Variants in STEAP2 observed in about 807,000 individuals in gnomAD.
STEAP2 encodes the protein STEAP2 metalloreductase.
Under a neutral mutation model 46.4 loss-of-function variants are expected in STEAP2, and 30 were observed. That is an observed-to-expected ratio of 0.65 (90% confidence interval 0.48 to 0.88). STEAP2 has a LOEUF of 0.88. Among genes scored for constraint, STEAP2 ranks in the 40% least tolerant of loss-of-function variants. The probability of loss-of-function intolerance (pLI) is 0.00; values close to 1 mark genes in which losing one functional copy is unlikely to be tolerated. For missense variants in STEAP2, 513 were observed against 579.3 expected (o/e 0.89, Z 1.18); for synonymous variants, 180 against 200.5 (o/e 0.90, Z 0.86).
chr7:90,225,346 A>G lies in STEAP2; in HGVS notation c.264A>G (p.Ile88Met). ...AAGATGCTCTCACAAAAACAAATAT[A>G]ATATTTGTTGCTATACACAGAGAAC... is the stretch of plus-strand genomic sequence containing the variant. The part of the protein sequence containing the change: ...HHEDALTKTN[I>M]IFVAIHREHY... Residue 88 changes from isoleucine to methionine, a missense_variant, in exon 3 of 6, where the codon ATA becomes ATG. Transcript: ENST00000394621. The G allele has an allele frequency of 6.2e-7, 1 of 1,613,842 alleles. No homozygotes were observed. The highest frequency in any genetic ancestry group is 8.5e-7 in the Non-Finnish European group (1 of 1,179,870).
Position 90,225,231 on chromosome 7 carries a change from T to A in STEAP2, c.149T>A (p.Ile50Asn), listed in dbSNP as rs562731022. ...DFAKSLTIRL[I>N]RCGYHVVIGS... is the part of the protein sequence containing the mutation. ...GCCAAATCCTTGACCATTCGACTTA[T>A]TAGATGCGGCTATCATGTGGTCATA... The change falls in exon 3 of 6, where the codon ATT (isoleucine) becomes AAT (asparagine). Residue 50 changes from isoleucine to asparagine, a missense_variant. By Grantham distance (149) the Ile-to-Asn change is moderately radical. Coordinates refer to ENST00000394621, the MANE Select transcript of STEAP2 (RefSeq NM_001244944.2). 6.2e-7 allele frequency: 1 copy of A among 1,614,020 alleles called. No homozygotes were observed. Among genetic ancestry groups the A allele is most frequent in the East Asian group, 2.2e-5 (1 of 44,866 alleles).
rs567497144 is a variant in STEAP2 at position 90,225,285 on chromosome 7, A to T, written c.203A>T (p.Glu68Val). Residue 68 changes from glutamate to valine, a missense_variant, in exon 3 of 6, where the codon GAA becomes GTA. Transcript: ENST00000394621. Reference protein sequence around the residue: ...IGSRNPKFASEFFPHVVDVTH... With the variant: ...IGSRNPKFASVFFPHVVDVTH... Reference sequence around the variant, plus strand: ...AGTAGAAATCCTAAGTTTGCTTCTGAATTTTTTCCTCATGTGGTAGATGTC... The same window carrying T: ...AGTAGAAATCCTAAGTTTGCTTCTGTATTTTTTCCTCATGTGGTAGATGTC... 1.2e-6 allele frequency: 2 copies of T among 1,614,012 alleles called. No homozygotes were observed. Among genetic ancestry groups the T allele is most frequent in the Non-Finnish European group, 1.7e-6 (2 of 1,179,974 alleles).
At position 90,229,867 on chromosome 7, in the gene STEAP2, G is replaced by A; in HGVS notation, c.1021-5G>A. ...AAAGGAAATTCACATTCGCTTTCTT[G>A]TTAGGTTCATGCAAATATTGAAAAC... is the stretch of plus-strand genomic sequence containing the variant. On this transcript the variant is annotated splice_region_variant and splice_polypyrimidine_tract_variant and intron_variant, in intron 4 of 5. Transcript: ENST00000394621. 1 of 1,611,766 alleles carries A rather than the reference G, an allele frequency of 6.2e-7. No individual in the cohort carries two copies. The highest frequency in any genetic ancestry group is 1.3e-5 in the African/African-American group (1 of 74,924).
At position 90,233,782 on chromosome 7, in the gene STEAP2, C is replaced by T. The variant is rs181672274; in HGVS notation, c.*1158C>T. 3 of 985,368 alleles carry T rather than the reference C, an allele frequency of 3.0e-6. No individual in the cohort carries two copies. The African/African-American group carries it at 5.2e-5, about 17-fold the overall frequency. The allele number at this position is 985,368 out of a possible 1,614,324, so 61.0% of individuals were successfully genotyped here. A position where few individuals can be genotyped will look rare whatever the true frequency, so the allele number is the denominator to read the frequency against. On this transcript the variant is annotated 3_prime_UTR_variant, in exon 6 of 6. Transcript: ENST00000394621. ...TAGGCTCTAGAGCTCCCGCCGCGCC[C>T]CTATGCATTATGTTCACAATGCCAA...
At position 90,227,089 on chromosome 7, in the gene STEAP2, T is replaced by C; in HGVS notation, c.611T>C (p.Leu204Ser). 1 of 1,613,816 alleles carries C rather than the reference T, an allele frequency of 6.2e-7. No individual in the cohort carries two copies. Among genetic ancestry groups the C allele is most frequent in the Non-Finnish European group, 8.5e-7 (1 of 1,179,832 alleles). The change falls in exon 4 of 6, where the codon TTA becomes TCA. Residue 204 changes from leucine to serine, a missense_variant. Physicochemically the swap from Leu to Ser is moderately radical, Grantham distance 145 (BLOSUM62 -2). Coordinates refer to ENST00000394621, the MANE Select transcript of STEAP2 (RefSeq NM_001244944.2). ...TCATCAGCCAGAGAGATTGAAAATTTACCCCTACGACTCTTTACTCTCTGG... is the reference window on the plus strand; with the variant it reads ...TCATCAGCCAGAGAGATTGAAAATTCACCCCTACGACTCTTTACTCTCTGG... ...SLSSAREIEN[L>S]PLRLFTLWRG...
intron 2 of STEAP2, among the ~76,000 whole-genome samples, chr7:90,220,714 T>C (rs1795221655): frequency 6.6e-6 from 1 of 152,160 alleles, no homozygotes. Flanking sequence ...AGGTACATCA[T>C]TAAGTTGTTT....
chr7:90,218,252 C>T (rs1011442335), intron 2 of STEAP2, among the ~76,000 whole-genome samples: 5 of 152,034 alleles, frequency 3.3e-5, no homozygotes, highest in Non-Finnish European at 7.4e-5. Context: ...CTTTGCTGCA[C>T]GGAAGTCTTT....
Position 90,232,659 on chromosome 7 carries a change from C to T in STEAP2, c.*35C>T. Reference sequence around the variant, plus strand: ...GTGTTCACAGCTGCCATATAAAGTTCTACTCATGCCATTATTTTTATGACT... The same window carrying T: ...GTGTTCACAGCTGCCATATAAAGTTTTACTCATGCCATTATTTTTATGACT... On this transcript the variant is annotated 3_prime_UTR_variant, in exon 6 of 6. Transcript: ENST00000394621. 1.3e-6 allele frequency: 2 copies of T among 1,532,610 alleles called. No individual in the cohort carries two copies. Among genetic ancestry groups the T allele is most frequent in the Non-Finnish European group, 1.8e-6 (2 of 1,139,788 alleles). The allele number at this position is 1,532,610 out of a possible 1,614,324, so 94.9% of individuals were successfully genotyped here. A position where few individuals can be genotyped will look rare whatever the true frequency, so the allele number is the denominator to read the frequency against.
At chr7:90,238,047 C>T (rs112856747), downstream of STEAP2, 1,866 of 717,204 alleles carry the variant, frequency 2.6e-3, 7 homozygotes, top group Non-Finnish European at 2.7e-3. Flanking sequence ...CGCATCCATG[C>T]AGCCATGCCT....
downstream of STEAP2, chr7:90,238,148 C>T (rs1796014152): frequency 1.4e-6 from 1 of 717,340 alleles, no homozygotes; most frequent in African/African-American, 1.7e-5. Context: ...GCTGCTGCCA[C>T]TACCACCACC....
downstream of STEAP2, among the ~76,000 whole-genome samples, chr7:90,242,747 T>TA (rs1162241161): frequency 6.6e-6 from 1 of 152,228 alleles, no homozygotes; most frequent in Non-Finnish European, 1.5e-5. Flanking sequence ...AACTGCCCTC[T>TA]AGATGTAATA....
chr7:90,229,416 T>C (rs1378801434), intron 4 of STEAP2, among the ~76,000 whole-genome samples: 3 of 152,182 alleles, frequency 2.0e-5, no homozygotes, highest in Non-Finnish European at 4.4e-5. Context: ...GATACTGACA[T>C]AGTTTAGAAA....
chr7:90,230,664 T>C (rs1041755401), intron 5 of STEAP2, among the ~76,000 whole-genome samples: 1 of 151,900 alleles, frequency 6.6e-6, no homozygotes, highest in Non-Finnish European at 1.5e-5. Context: ...ACATTCACCT[T>C]CTCCAATAAT....
downstream of STEAP2, among the ~76,000 whole-genome samples, chr7:90,241,399 G>A (rs1403740389): frequency 6.6e-6 from 1 of 152,010 alleles, no homozygotes; most frequent in African/African-American, 2.4e-5. Context: ...CCTTACTTTG[G>A]ATAACTTACA....
intron 3 of STEAP2, among the ~76,000 whole-genome samples, chr7:90,226,629 T>TA (rs1195364514): frequency 2.0e-5 from 3 of 152,180 alleles, no homozygotes; most frequent in Non-Finnish European, 2.9e-5. Context: ...GTGGTCTATT[T>TA]TAGAGTCCTT....
chr7:90,232,631 ATGG>A lies in STEAP2; in HGVS notation c.*10_*12del. The A allele has an allele frequency of 6.3e-7, 1 of 1,595,594 alleles. No individual in the cohort carries two copies. Among genetic ancestry groups the A allele is most frequent in the East Asian group, 2.2e-5 (1 of 44,786 alleles). On this transcript the variant is annotated 3_prime_UTR_variant, in exon 6 of 6. Transcript: ENST00000394621. ...GAGGGTCACAGTAATGTGATGACAAATGGTGTTCACAGCTGCCATATAAAGTTC... is the reference window on the plus strand; with the variant it reads ...GAGGGTCACAGTAATGTGATGACAAATGTTCACAGCTGCCATATAAAGTTC...
intron 2 of STEAP2, among the ~76,000 whole-genome samples, chr7:90,222,729 C>A (rs1302936748): frequency 6.6e-6 from 1 of 152,098 alleles, no homozygotes; most frequent in Non-Finnish European, 1.5e-5. Context: ...TAATTATTGT[C>A]TTTCTAAAGT....
chr7:90,232,211 CTT>C, intron 5 of STEAP2, 124 bp from the exon 6 acceptor site: 1 of 1,197,242 alleles, frequency 8.4e-7, no homozygotes, highest in Admixed American at 3.5e-5. Context: ...CAAAGGTTAA[CTT>C]GATAATTTAA....
At chr7:90,229,798 C>T (rs1318610310) in intron 4 of STEAP2, 74 bp from the exon 5 acceptor site, 7 of 1,544,636 alleles carry the variant, frequency 4.5e-6, no homozygotes, top group South Asian at 1.3e-5. Flanking sequence ...TCTTCTTATG[C>T]CAAGAGTGAA....
Sources: gnomAD v4.1 joint callset for allele counts (sites outside exome capture counted in the v4.1 genomes callset) on GRCh38, gnomAD v4.1.1 for gene constraint, MANE v1.5 for transcripts, NCBI Gene and HGNC (gene_info 2026-07-23, HGNC 2026-07-21) for gene names.